TMIGD3: variants seen among roughly 807,000 people sequenced by gnomAD.
TMIGD3 encodes AD026 protein (AD026).
In TMIGD3, 21 loss-of-function variants were observed where a neutral mutation model predicts 28.1. The ratio of observed to expected loss-of-function variants is 0.75; its 90% CI spans 0.53 to 1.08. TMIGD3 has a LOEUF of 1.08. Among genes scored for constraint, TMIGD3 ranks in the 50% least tolerant of loss-of-function variants. TMIGD3 has a pLI of 0.00. For synonymous variants in TMIGD3, 151 were observed against 162.1 expected (o/e 0.93, Z 0.52); for missense variants, 416 against 435.6 (o/e 0.96, Z 0.40).
At chr1:111,534,141 T>G (rs1375776393) in intron 1 of TMIGD3, among the ~76,000 whole-genome samples, 1 of 152,212 alleles carries the variant, frequency 6.6e-6, no homozygotes, top group African/African-American at 2.4e-5. Context: ...TTTATCTTCG[T>G]TATACAAATG....
At chr1:111,538,066 G>A (rs1244404646) in intron 1 of TMIGD3, among the ~76,000 whole-genome samples, 1 of 152,072 alleles carries the variant, frequency 6.6e-6, no homozygotes, top group Non-Finnish European at 1.5e-5. Flanking sequence ...TTTTTAAAAA[G>A]AGTTGGCTCA....
Position 111,563,733 on chromosome 1 carries a change from C to G in TMIGD3, c.107+113G>C. On this transcript the variant is annotated intron_variant, in intron 1 of 5. Transcript: ENST00000369717. ...CTCTATTTTACACGCTAGGACAAAG[C>G]ATTGATTAAGTAGCTTGCCCCATAT... is the stretch of plus-strand genomic sequence containing the variant. The G allele has an allele frequency of 5.4e-6, 4 of 741,764 alleles. 1 individual carries two copies. The highest frequency in any genetic ancestry group is 9.4e-6 in the Non-Finnish European group (4 of 425,588). The allele number at this position is 741,764 out of a possible 1,614,324, so 45.9% of individuals were successfully genotyped here.
chr1:111,563,961 C>A (rs1460214609), exon 1 of TMIGD3: 51 of 1,605,766 alleles, frequency 3.2e-5, no homozygotes, highest in Non-Finnish European at 4.2e-5. Flanking sequence ...ATTGGTCCAA[C>A]TGGTGGTCTC....
chr1:111,506,660 T>C (rs551524602), upstream of TMIGD3, among the ~76,000 whole-genome samples: 20 of 151,876 alleles, frequency 1.3e-4, 1 homozygote, highest in Non-Finnish European at 2.1e-4. Context: ...GCTATCAAAA[T>C]CAGTAGAGAT....
intron 2 of TMIGD3, 25 bp from the exon 3 acceptor site, chr1:111,489,049 A>T (rs1336768783): frequency 4.6e-6 from 7 of 1,529,704 alleles, no homozygotes; most frequent in African/African-American, 4.1e-5. Flanking sequence ...ACACACACGC[A>T]CACGTGCACA....
intron 1 of TMIGD3, chr1:111,499,722 G>C (rs1236970322): frequency 8.1e-6 from 11 of 1,366,004 alleles, no homozygotes; most frequent in Non-Finnish European, 1.0e-5. Context: ...TTGTCCCCAA[G>C]TCAGGCCTCC....
In TMIGD3 at chr1:111,503,463, G is replaced by A. The variant is rs1326534319; in HGVS notation, c.-109C>T. 31 of 1,466,542 alleles carry A rather than the reference G, an allele frequency of 2.1e-5. No individual in the cohort carries two copies. Among genetic ancestry groups the A allele is most frequent in the Non-Finnish European group, 2.5e-5 (28 of 1,106,386 alleles). The allele number at this position is 1,466,542 out of a possible 1,614,324, so 90.8% of individuals were successfully genotyped here. A position where few individuals can be genotyped will look rare whatever the true frequency, so the allele number is the denominator to read the frequency against. On this transcript the variant is annotated 5_prime_UTR_variant, in exon 1 of 6. Transcript: ENST00000369716. Reference sequence around the variant, plus strand: ...ACGTCTTCCCAGAGGTCCATGTGCAGTGACAGTCTAAAATTCCCAACTTGC... The same window carrying A: ...ACGTCTTCCCAGAGGTCCATGTGCAATGACAGTCTAAAATTCCCAACTTGC...
intron 1 of TMIGD3, among the ~76,000 whole-genome samples, chr1:111,563,173 G>A (rs566828235): frequency 1.7e-4 from 26 of 152,258 alleles, no homozygotes; most frequent in Admixed American, 8.5e-4. Flanking sequence ...TACTCAGGTG[G>A]CTGAGGCAGG....
exon 1 of TMIGD3, chr1:111,563,936 G>C: frequency 1.2e-6 from 2 of 1,613,588 alleles, no homozygotes; most frequent in Non-Finnish European, 1.7e-6. Flanking sequence ...AATGGGTCCT[G>C]CTGGAGACCC....
At chr1:111,508,089 G>T (rs781770105), upstream of TMIGD3, among the ~76,000 whole-genome samples, 9 of 152,256 alleles carry the variant, frequency 5.9e-5, no homozygotes, top group Admixed American at 3.3e-4. Flanking sequence ...GGGAGGGAGG[G>T]TGAGGCCTGG....
chr1:111,519,591 T>C (rs1180147455), intron 1 of TMIGD3, among the ~76,000 whole-genome samples: 1 of 152,154 alleles, frequency 6.6e-6, no homozygotes, highest in African/African-American at 2.4e-5. Context: ...TCAAGTTGCA[T>C]ACAGGAAGAC....
upstream of TMIGD3, chr1:111,504,236 C>T (rs1655395706): frequency 1.7e-6 from 1 of 598,676 alleles, no homozygotes; most frequent in African/African-American, 2.0e-5. Flanking sequence ...CACACCCTAG[C>T]AAAATCACAC....
At position 111,512,547 on chromosome 1, in the gene TMIGD3, A is replaced by G. The variant is rs114969781; in HGVS notation, c.108-21785T>C. ...AGATACCCCTCTGCGGACTGGATGA[A>G]GTAACCCAGGCACAGCAGTTAGCAC... On this transcript the variant is annotated intron_variant, in intron 1 of 5. Coordinates refer to the TMIGD3 transcript ENST00000369717. Among the ~76,000 whole-genome samples the G allele has an allele frequency of 3.5e-3, 540 of 152,344 alleles. 6 individuals carry two copies. The highest frequency in any genetic ancestry group is 0.012 in the African/African-American group (507 of 41,578).
intron 1 of TMIGD3, among the ~76,000 whole-genome samples, chr1:111,524,082 T>A (rs1656178096): frequency 6.9e-6 from 1 of 144,528 alleles, no homozygotes; most frequent in South Asian, 2.2e-4. Flanking sequence ...CAGGCTAGAG[T>A]GCAGTGGCGC....
intron 2 of TMIGD3, chr1:111,489,666 CGTT>C: frequency 9.3e-7 from 1 of 1,078,144 alleles, no homozygotes; most frequent in Non-Finnish European, 1.2e-6. Context: ...TGAGGCTTAC[CGTT>C]AGGAGGCCCT....
chr1:111,502,946 G>A, intron 1 of TMIGD3, 59 bp downstream of exon 1: 2 of 1,588,698 alleles, frequency 1.3e-6, no homozygotes, highest in Non-Finnish European at 1.7e-6. Flanking sequence ...TGGGCTCTGG[G>A]CTTTGTAGCC....
upstream of TMIGD3, among the ~76,000 whole-genome samples, chr1:111,507,838 G>A (rs1167824197): frequency 6.6e-6 from 1 of 152,246 alleles, no homozygotes; most frequent in African/African-American, 2.4e-5. Flanking sequence ...GAAAAGACAA[G>A]TGCTCAGGGT....
At chr1:111,543,372 G>A (rs561632665) in intron 1 of TMIGD3, among the ~76,000 whole-genome samples, 1 of 152,190 alleles carries the variant, frequency 6.6e-6, no homozygotes, top group Admixed American at 6.5e-5. Flanking sequence ...GCTGCCAAAA[G>A]GGAAAAACCA....
intron 1 of TMIGD3, among the ~76,000 whole-genome samples, chr1:111,516,413 T>C (rs1655869966): frequency 6.6e-6 from 1 of 152,308 alleles, no homozygotes; most frequent in Admixed American, 6.5e-5. Flanking sequence ...CTCATGCTCT[T>C]ATCAGCCTCA....
Sources: allele counts gnomAD v4.1 joint callset (sites outside exome capture counted in the v4.1 genomes callset), GRCh38; gene constraint gnomAD v4.1.1; transcripts MANE v1.5; gene names NCBI Gene and HGNC (gene_info 2026-07-23, HGNC 2026-07-21).